The following PPP2CB variants were observed in gnomAD, a reference collection of about 807,000 sequenced individuals.
The protein encoded by PPP2CB is protein phosphatase 2 catalytic subunit beta.
In PPP2CB, 18 loss-of-function variants were observed where a neutral mutation model predicts 39.1. The ratio of observed to expected loss-of-function variants is 0.46; its 90% confidence interval spans 0.32 to 0.68. The LOEUF is 0.68. PPP2CB is among the 30% of genes least tolerant of loss of function. PPP2CB has a pLI of 0.04. For synonymous variants in PPP2CB, 129 were observed against 133.8 expected (o/e 0.96, Z 0.25); for missense variants, 226 against 396.9 (o/e 0.57, Z 3.66).
intron 1 of PPP2CB, 26 bp from the exon 2 acceptor site, chr8:30,799,781 T>C (rs1586125171): frequency 1.3e-6 from 2 of 1,594,702 alleles, no homozygotes; most frequent in South Asian, 1.1e-5. Flanking sequence ...AATCAACAAT[T>C]ACAAAGTTAA....
Position 30,787,183 on chromosome 8 carries a change from G to A in PPP2CB, c.858-876C>T, listed in dbSNP as rs539882068. On this transcript the variant is annotated intron_variant, in intron 6 of 6. Coordinates refer to ENST00000221138, the MANE Select transcript of PPP2CB (RefSeq NM_001009552.2). ...ATTGCTAGATCCAGGTTGCTGGTAC[G>A]TATGTTGGAAAATTTTATATCTGTA... is the stretch of plus-strand genomic sequence containing the variant. Among the ~76,000 whole-genome samples, 8 of 152,284 alleles carry A rather than the reference G, an allele frequency of 5.3e-5. No homozygotes were observed. In the East Asian group the frequency reaches 7.7e-4, roughly 15 times the overall value.
chr8:30,786,343 T>C (rs780042470), intron 6 of PPP2CB, 36 bp from the exon 7 acceptor site: 1 of 1,496,064 alleles, frequency 6.7e-7, no homozygotes, highest in Non-Finnish European at 9.1e-7. Flanking sequence ...ATAAAGGATC[T>C]GACTTTGCAA....
At chr8:30,794,429 C>CTGGTCAA in intron 3 of PPP2CB, 148 bp from the exon 4 acceptor site, 3 of 671,190 alleles carry the variant, frequency 4.5e-6, no homozygotes, top group Non-Finnish European at 7.4e-6. Flanking sequence ...TACCCCTTCT[C>CTGGTCAA]TGGTCAATGG....
intron 1 of PPP2CB, among the ~76,000 whole-genome samples, chr8:30,810,962 A>G (rs1003527820): frequency 6.6e-6 from 1 of 152,250 alleles, no homozygotes; most frequent in African/African-American, 2.4e-5. Flanking sequence ...ATTACGGTTA[A>G]GAAAATTTTA....
intron 1 of PPP2CB, among the ~76,000 whole-genome samples, chr8:30,808,625 AAAGGTAGGGC>A (rs1446717236): frequency 6.6e-6 from 1 of 152,134 alleles, no homozygotes; most frequent in Non-Finnish European, 1.5e-5. Flanking sequence ...CTTGCCCTAG[AAAGGTAGGGC>A]AAGTATTAAG....
chr8:30,793,734 A>G, intron 5 of PPP2CB, 183 bp downstream of exon 5: 1 of 558,538 alleles, frequency 1.8e-6, no homozygotes, highest in Non-Finnish European at 2.9e-6. Flanking sequence ...TCAATTTCAA[A>G]AATGAGTTAT....
chr8:30,787,707 G>C (rs1806367147), intron 6 of PPP2CB, among the ~76,000 whole-genome samples: 1 of 152,110 alleles, frequency 6.6e-6, no homozygotes, highest in Non-Finnish European at 1.5e-5. Context: ...TTTGTGGGGA[G>C]TTTTAACTTT....
Position 30,797,501 on chromosome 8 carries a change from G to A in PPP2CB, c.486+80C>T, listed in dbSNP as rs1053700773. 2.4e-5 allele frequency: 32 copies of A among 1,350,830 alleles called. No homozygotes were observed. In the Middle Eastern group the frequency reaches 5.8e-4, roughly 24 times the overall value. 83.7% of individuals were successfully genotyped at this position (1,350,830 alleles called of 1,614,324 possible). On this transcript the variant is annotated intron_variant, in intron 3 of 6. Coordinates refer to ENST00000221138, the MANE Select transcript of PPP2CB (RefSeq NM_001009552.2). Reference sequence around the variant, plus strand: ...GGAGATGCAGAAACACAGGTCATATGAATCTAGACCCCAGCTTACCAATAG... The same window carrying A: ...GGAGATGCAGAAACACAGGTCATATAAATCTAGACCCCAGCTTACCAATAG...
chr8:30,790,192 CTA>C (rs1442887499), intron 6 of PPP2CB, among the ~76,000 whole-genome samples: 1 of 152,170 alleles, frequency 6.6e-6, no homozygotes, highest in African/African-American at 2.4e-5. Context: ...TCAGTACAAT[CTA>C]TGTGTGGCTT....
At chr8:30,792,177 C>T (rs568128683) in intron 5 of PPP2CB, among the ~76,000 whole-genome samples, 27 of 151,904 alleles carry the variant, frequency 1.8e-4, no homozygotes, top group Admixed American at 1.5e-3. Flanking sequence ...CTGCCTCAGC[C>T]CCGAGTAGTT....
intron 6 of PPP2CB, among the ~76,000 whole-genome samples, chr8:30,788,453 G>A (rs781677638): frequency 2.6e-5 from 4 of 151,838 alleles, no homozygotes; most frequent in East Asian, 1.9e-4. Context: ...TTGTAGAGAC[G>A]GGGTCTCCCT....
intron 1 of PPP2CB, among the ~76,000 whole-genome samples, chr8:30,806,167 C>G (rs1806721851): frequency 6.6e-6 from 1 of 151,636 alleles, no homozygotes; most frequent in Non-Finnish European, 1.5e-5. Flanking sequence ...CTTGCCTCAG[C>G]CTCCCGAGTA....
intron 2 of PPP2CB, 104 bp from the exon 3 acceptor site, chr8:30,797,858 C>A (rs1806552561): frequency 1.8e-6 from 2 of 1,092,204 alleles, no homozygotes; most frequent in Non-Finnish European, 2.6e-6. Flanking sequence ...CTTTTGGCCA[C>A]CAGTATATTA....
At chr8:30,812,289 G>C (rs749402908) in intron 1 of PPP2CB, 31 bp downstream of exon 1, 8 of 1,463,236 alleles carry the variant, frequency 5.5e-6, no homozygotes, top group Non-Finnish European at 7.3e-6. Flanking sequence ...CCAGCCCCGC[G>C]CTCCCGCACT....
intron 1 of PPP2CB, among the ~76,000 whole-genome samples, chr8:30,809,534 G>A (rs972541836): frequency 2.0e-5 from 3 of 152,108 alleles, no homozygotes; most frequent in African/African-American, 2.4e-5. Flanking sequence ...AGAGAAATGA[G>A]TATTATCACA....
chr8:30,793,160 T>A (rs1806465423), intron 5 of PPP2CB: 1 of 152,090 alleles, frequency 6.6e-6, no homozygotes, highest in Non-Finnish European at 1.5e-5. Flanking sequence ...TCTTTCTATG[T>A]CATGACTGCC....
intron 2 of PPP2CB, among the ~76,000 whole-genome samples, chr8:30,798,274 G>T (rs1034186973): frequency 6.6e-6 from 1 of 152,136 alleles, no homozygotes; most frequent in Admixed American, 6.5e-5. Flanking sequence ...TGTATTAATA[G>T]TTTCCTTTCT....
intron 2 of PPP2CB, among the ~76,000 whole-genome samples, chr8:30,798,953 A>C (rs1806571175): frequency 1.3e-5 from 2 of 152,230 alleles, no homozygotes; most frequent in Admixed American, 1.3e-4. Context: ...GCACTGAATA[A>C]GAAGAAACTT....
In PPP2CB at chr8:30,797,623, A is replaced by T. The variant is rs1806548475; in HGVS notation, c.444T>A (p.Asp148Glu). The T allele has an allele frequency of 6.2e-7, 1 of 1,613,836 alleles. No individual in the cohort carries two copies. Among genetic ancestry groups the T allele is most frequent in the Non-Finnish European group, 8.5e-7 (1 of 1,179,834 alleles). The change falls in exon 3 of 7, where the codon GAT becomes GAA. Residue 148 changes from aspartate (D) to glutamate (E), a missense_variant. By Grantham distance (45) the Asp-to-Glu change is conservative. This residue lies in a region of PPP2CB where 110 missense variants were observed against 244.1 expected (regional missense o/e 0.45). Transcript: ENST00000221138. ...GNANVWKYFT[D>E]LFDYLPLTAL... The stretch of plus-strand genomic sequence containing the variant: ...CTGTAAGTGGAAGATAATCAAAGAG[A>T]TCTGTAAAATATTTCCAAACGTTGG...
Sources: gnomAD v4.1 joint callset for allele counts (sites outside exome capture counted in the v4.1 genomes callset) on GRCh38, gnomAD v4.1.1 for gene constraint, gnomAD v4.1.1 regional missense constraint, MANE v1.5 for transcripts, NCBI Gene and HGNC (gene_info 2026-07-23, HGNC 2026-07-21) for gene names.